Variants in AK7 observed in about 807,000 individuals in gnomAD.
AK7 encodes ATP-AMP transphosphorylase 7.
AK7 carries 78 observed loss-of-function variants against 96.6 expected under a neutral mutation model. The ratio of observed to expected loss-of-function variants is 0.81; its 90% confidence interval spans 0.67 to 0.97. The LOEUF (loss-of-function observed/expected upper bound fraction) is 0.97, where lower values mean the gene tolerates loss of function less well. AK7 is among the 50% of genes least tolerant of loss of function. The pLI, the probability that AK7 is intolerant of heterozygous loss-of-function variation, is 0.00. For synonymous variants in AK7, 302 were observed against 317.2 expected, an observed-to-expected ratio of 0.95 and a Z score of 0.51; for missense variants, 855 against 887.9, an observed-to-expected ratio of 0.96 and a Z score of 0.47.
At chr14:96,426,466 T>C (rs1892035710) in intron 5 of AK7, among the ~76,000 whole-genome samples, 1 of 152,194 alleles carries the variant, frequency 6.6e-6, no homozygotes. Flanking sequence ...CGTTAAAGTG[T>C]TCTAATATTT....
rs947283788 is a variant in AK7, at chr14:96,489,184, G to T, written c.*841G>T. On this transcript the variant is annotated 3_prime_UTR_variant, in exon 18 of 18. Transcript: ENST00000267584. ...ACTTTTTATTTGTGCTAAAATACAT[G>T]TAACATAAAATTGACCACTGTAACC... The T allele has an allele frequency of 1.3e-5, 2 of 152,154 alleles. No individual in the cohort carries two copies. The highest frequency in any genetic ancestry group is 4.8e-5 in the African/African-American group (2 of 41,436). 9.4% of individuals were successfully genotyped at this position (152,154 alleles called of 1,614,324 possible). A position where few individuals can be genotyped will look rare whatever the true frequency, so the allele number is the denominator to read the frequency against.
At chr14:96,403,483 T>C (rs1384672827) in intron 2 of AK7, among the ~76,000 whole-genome samples, 3 of 152,196 alleles carry the variant, frequency 2.0e-5, no homozygotes, top group Admixed American at 6.5e-5. Flanking sequence ...AGAAAACTAA[T>C]GCAGATTCAT....
Position 96,418,322 on chromosome 14 carries a change from T to TAAA in AK7, c.499-2487_499-2485dup, listed in dbSNP as rs6145458. 9.3e-4 allele frequency among the ~76,000 whole-genome samples: 39 copies of TAAA among 41,824 alleles called. 4 individuals are homozygous for TAAA. The highest frequency in any genetic ancestry group is 4.8e-3 in the East Asian group (2 of 414). 27.4% of individuals were successfully genotyped at this position (41,824 alleles called of 152,430 possible). A position where few individuals can be genotyped will look rare whatever the true frequency, so the allele number is the denominator to read the frequency against. ...CTGGGCAACAGAGTGAGACCTTGTCTAAAAAAAAAAAAAAAGGCTTCAAAT... is the reference window on the plus strand; with the variant it reads ...CTGGGCAACAGAGTGAGACCTTGTCTAAAAAAAAAAAAAAAAAAGGCTTCAAAT... On this transcript the variant is annotated intron_variant, in intron 4 of 17. Transcript: ENST00000267584.
chr14:96,450,867 C>T (rs1039129472), intron 9 of AK7, among the ~76,000 whole-genome samples: 3 of 150,952 alleles, frequency 2.0e-5, no homozygotes, highest in African/African-American at 7.3e-5. Flanking sequence ...TTCCACCTCC[C>T]GGGTTCACGC....
At chr14:96,397,449 A>G (rs964466458) in intron 1 of AK7, among the ~76,000 whole-genome samples, 1 of 152,146 alleles carries the variant, frequency 6.6e-6, no homozygotes, top group African/African-American at 2.4e-5. Flanking sequence ...AGGTTTCACC[A>G]TGTTGGCCAG....
chr14:96,468,650 G>A (rs912304793), intron 12 of AK7, among the ~76,000 whole-genome samples: 5 of 151,966 alleles, frequency 3.3e-5, no homozygotes, highest in African/African-American at 1.2e-4. Context: ...CATCAGTTAA[G>A]ACAGTACAGT....
chr14:96,460,280 T>C (rs1894180984), intron 12 of AK7, among the ~76,000 whole-genome samples: 1 of 152,218 alleles, frequency 6.6e-6, no homozygotes, highest in Non-Finnish European at 1.5e-5. Flanking sequence ...AGCTCCTCCA[T>C]CATCTGGTTA....
chr14:96,457,311 T>C (rs1006640614), intron 11 of AK7, among the ~76,000 whole-genome samples: 2 of 152,164 alleles, frequency 1.3e-5, no homozygotes, highest in African/African-American at 4.8e-5. Flanking sequence ...TCCGCCCGCC[T>C]TGGCCTCCCA....
chr14:96,424,195 G>C, intron 5 of AK7: 1 of 570,860 alleles, frequency 1.8e-6, no homozygotes, highest in Admixed American at 2.4e-5. Context: ...GGCCCGGACC[G>C]CTGTCTGAGG....
intron 2 of AK7, 50 bp from the exon 3 acceptor site, chr14:96,404,707 G>T (rs1167802793): frequency 2.4e-6 from 3 of 1,258,768 alleles, no homozygotes; most frequent in African/African-American, 1.5e-5. Context: ...AAATATGAAG[G>T]TTACCTTGTT....
intron 5 of AK7, among the ~76,000 whole-genome samples, chr14:96,424,875 C>A (rs1891933493): frequency 6.6e-6 from 1 of 152,128 alleles, no homozygotes; most frequent in African/African-American, 2.4e-5. Context: ...GTTTAATTTA[C>A]AGGTGGAAAA....
intron 8 of AK7, among the ~76,000 whole-genome samples, chr14:96,447,999 T>C (rs941525968): frequency 2.6e-5 from 4 of 151,654 alleles, no homozygotes; most frequent in Admixed American, 6.6e-5. Context: ...TGCATGGTGG[T>C]GTGCCTGTAG....
chr14:96,400,101 C>T (rs1393637223), intron 2 of AK7, among the ~76,000 whole-genome samples: 9 of 138,894 alleles, frequency 6.5e-5, no homozygotes, highest in Admixed American at 5.6e-4. Flanking sequence ...TGCAGTGGCG[C>T]GATCTCGGCT....
chr14:96,444,556 C>T (rs1893125464), intron 7 of AK7, among the ~76,000 whole-genome samples: 1 of 152,260 alleles, frequency 6.6e-6, no homozygotes, highest in South Asian at 2.1e-4. Flanking sequence ...TAAGCTGTTA[C>T]CTGACCTTTC....
chr14:96,482,229 C>T (rs190338037), intron 15 of AK7, among the ~76,000 whole-genome samples: 15 of 151,736 alleles, frequency 9.9e-5, no homozygotes, highest in African/African-American at 3.4e-4. Flanking sequence ...GAGACCCTGT[C>T]TCTATAAAAA....
intron 2 of AK7, among the ~76,000 whole-genome samples, chr14:96,404,349 C>G (rs914712590): frequency 2.0e-5 from 3 of 152,112 alleles, no homozygotes; most frequent in Non-Finnish European, 1.5e-5. Context: ...CTATGACAAT[C>G]CACATTCATC....
At position 96,398,129 on chromosome 14, in the gene AK7, G is replaced by A; in HGVS notation, c.160G>A (p.Glu54Lys). The change falls in exon 2 of 18, where the codon GAA becomes AAA. Residue 54 changes from glutamate (E) to lysine (K), a missense_variant. Glu to Lys is a moderately conservative substitution (Grantham distance 56). Transcript: ENST00000267584. ...GCTTGAAGAAATTACAGAGGAAGAG[G>A]AAGAGGAAGATGAAAATAAGTCAGC... The part of the protein sequence containing the change: ...ASLEEITEEE[E>K]EEDENKSAML... The A allele has an allele frequency of 4.3e-6, 7 of 1,612,440 alleles. No homozygotes were observed. The highest frequency in any genetic ancestry group is 5.9e-6 in the Non-Finnish European group (7 of 1,178,462).
intron 4 of AK7, among the ~76,000 whole-genome samples, chr14:96,414,225 A>C (rs368363554): frequency 2.5e-4 from 38 of 152,340 alleles, no homozygotes; most frequent in African/African-American, 8.7e-4. Context: ...GCTGTCGTGC[A>C]CACTTGCATC....
Position 96,451,574 on chromosome 14 carries a change from A to G in AK7, c.1098+4A>G. The G allele has an allele frequency of 2.0e-6, 3 of 1,471,736 alleles. No homozygotes were observed. The East Asian group carries it at 7.6e-5, about 37-fold the overall frequency. The allele number at this position is 1,471,736 out of a possible 1,614,324, so 91.2% of individuals were successfully genotyped here. A position where few individuals can be genotyped will look rare whatever the true frequency, so the allele number is the denominator to read the frequency against. ...CAAGCAAAGCAGAGGATTGATGGTA[A>G]CTATCACTGTTTCCCACTGAAACTT... On this transcript the variant is annotated splice_donor_region_variant and intron_variant, in intron 10 of 17. Coordinates refer to ENST00000267584, the MANE Select transcript of AK7 (RefSeq NM_152327.5).
Sources: gnomAD v4.1 joint callset for allele counts (sites outside exome capture counted in the v4.1 genomes callset) on GRCh38, gnomAD v4.1.1 for gene constraint, MANE v1.5 for transcripts, NCBI Gene and HGNC (gene_info 2026-07-23, HGNC 2026-07-21) for gene names.